Variants in KCNN2 observed in about 807,000 individuals in gnomAD.
The protein encoded by KCNN2 is small conductance calcium-activated potassium channel protein 2.
Under a neutral mutation model 55.5 loss-of-function variants are expected in KCNN2, and 24 were observed. The ratio of observed to expected loss-of-function variants is 0.43; its 90% CI spans 0.31 to 0.61. The LOEUF is 0.61. KCNN2 is among the 20% of genes least tolerant of loss of function. KCNN2 has a pLI of 0.08. For synonymous variants in KCNN2, 431 were observed against 336.1 expected (o/e 1.28, Z -3.09); for missense variants, 754 against 853.6 (o/e 0.88, Z 1.45).
chr5:114,451,795 G>A (rs1009255882), intron 3 of KCNN2, among the ~76,000 whole-genome samples: 5 of 151,812 alleles, frequency 3.3e-5, no homozygotes, highest in East Asian at 3.9e-4. Flanking sequence ...TACTTGGGAG[G>A]CTGAGGCAGC....
intron 1 of KCNN2, among the ~76,000 whole-genome samples, chr5:114,211,625 G>A (rs971058540): frequency 1.3e-5 from 2 of 152,048 alleles, no homozygotes; most frequent in Non-Finnish European, 2.9e-5. Flanking sequence ...TAGTACCTGG[G>A]TGATGAAATA....
intron 1 of KCNN2, among the ~76,000 whole-genome samples, chr5:114,198,801 T>C (rs1753612474): frequency 1.3e-5 from 2 of 152,142 alleles, no homozygotes; most frequent in African/African-American, 4.8e-5. Flanking sequence ...ATACTTGATA[T>C]GATTTTGATT....
At chr5:114,277,169 A>G (rs538475698) in intron 2 of KCNN2, among the ~76,000 whole-genome samples, 8 of 152,128 alleles carry the variant, frequency 5.3e-5, no homozygotes, top group South Asian at 2.1e-4. Flanking sequence ...TTTGCCCCCA[A>G]TCTCTTCTGG....
At chr5:114,089,855 A>G (rs1187698977) in intron 1 of KCNN2, among the ~76,000 whole-genome samples, 4 of 152,170 alleles carry the variant, frequency 2.6e-5, no homozygotes, top group Non-Finnish European at 4.4e-5. Context: ...AACTTCCAGA[A>G]TTTTCTGATC....
chr5:114,365,413 T>C (rs1757570844), intron 2 of KCNN2, among the ~76,000 whole-genome samples: 1 of 152,258 alleles, frequency 6.6e-6, no homozygotes, highest in Admixed American at 6.5e-5. Flanking sequence ...TTTAAAGTGA[T>C]ACTAAAATAT....
At chr5:114,083,444 T>C (rs1210401828) in intron 1 of KCNN2, among the ~76,000 whole-genome samples, 3 of 152,026 alleles carry the variant, frequency 2.0e-5, no homozygotes, top group Non-Finnish European at 2.9e-5. Context: ...TGAAATTTTA[T>C]GTTTTTATTT....
At chr5:114,294,459 T>G (rs943489567) in intron 2 of KCNN2, among the ~76,000 whole-genome samples, 1 of 152,204 alleles carries the variant, frequency 6.6e-6, no homozygotes, top group Non-Finnish European at 1.5e-5. Context: ...TACCCAGTAG[T>G]CATTCAGGAG....
intron 2 of KCNN2, among the ~76,000 whole-genome samples, chr5:114,403,450 C>T (rs1195362786): frequency 1.3e-5 from 2 of 152,192 alleles, no homozygotes; most frequent in Non-Finnish European, 2.9e-5. Flanking sequence ...TATAGCTTCT[C>T]AAAACAAAGG....
intron 1 of KCNN2, among the ~76,000 whole-genome samples, chr5:114,087,002 C>G (rs1417582757): frequency 6.9e-6 from 1 of 144,014 alleles, no homozygotes; most frequent in East Asian, 1.9e-4. Flanking sequence ...GGTATCTCAT[C>G]GTGGTTCTGT....
chr5:114,391,751 A>G (rs1758457092), intron 2 of KCNN2, among the ~76,000 whole-genome samples: 1 of 152,200 alleles, frequency 6.6e-6, no homozygotes, highest in South Asian at 2.1e-4. Flanking sequence ...TGAATATTAA[A>G]TTAAATGCAG....
chr5:114,461,665 C>T (rs1290532784), intron 3 of KCNN2, among the ~76,000 whole-genome samples: 2 of 152,030 alleles, frequency 1.3e-5, no homozygotes, highest in Non-Finnish European at 2.9e-5. Flanking sequence ...AAAGCTTATA[C>T]CCTGTAAGAT....
intron 1 of KCNN2, among the ~76,000 whole-genome samples, chr5:114,158,470 T>A (rs1391478911): frequency 2.6e-5 from 4 of 152,126 alleles, no homozygotes; most frequent in Non-Finnish European, 5.9e-5. Flanking sequence ...GGCTTAGGAT[T>A]GACTTGGCAA....
chr5:114,417,949 A>C (rs1294759997), intron 3 of KCNN2, among the ~76,000 whole-genome samples: 1 of 152,172 alleles, frequency 6.6e-6, no homozygotes, highest in Non-Finnish European at 1.5e-5. Flanking sequence ...ATCTAATCCT[A>C]TCAGGCCAAG....
chr5:114,303,030 C>T (rs765138681), intron 2 of KCNN2, among the ~76,000 whole-genome samples: 4 of 152,180 alleles, frequency 2.6e-5, no homozygotes, highest in African/African-American at 7.2e-5. Flanking sequence ...CTTCGATATA[C>T]GTCGATGTAC....
chr5:114,142,023 G>A (rs1219481950), intron 1 of KCNN2, among the ~76,000 whole-genome samples: 1 of 152,054 alleles, frequency 6.6e-6, no homozygotes, highest in Non-Finnish European at 1.5e-5. Context: ...TGTAGATTCT[G>A]GATATTAGCC....
chr5:114,337,570 T>C (rs1316849418), intron 2 of KCNN2, among the ~76,000 whole-genome samples: 1 of 152,176 alleles, frequency 6.6e-6, no homozygotes, highest in Non-Finnish European at 1.5e-5. Flanking sequence ...GTATAGCTAA[T>C]GGTCACTTTG....
intron 1 of KCNN2, among the ~76,000 whole-genome samples, chr5:114,196,775 C>A (rs1201660114): frequency 6.6e-6 from 1 of 151,794 alleles, no homozygotes; most frequent in Non-Finnish European, 1.5e-5. Flanking sequence ...GTTTGTTGAT[C>A]TTTTCAAAGT....
At chr5:114,472,943 A>C in intron 4 of KCNN2, 111 bp from the exon 5 acceptor site, 1 of 587,532 alleles carries the variant, frequency 1.7e-6, no homozygotes, top group Non-Finnish European at 3.0e-6. Context: ...ATTGAAGACA[A>C]TGTTTTTAAT....
At chr5:114,432,999 C>T (rs537859488) in intron 3 of KCNN2, among the ~76,000 whole-genome samples, 1 of 152,286 alleles carries the variant, frequency 6.6e-6, no homozygotes, top group African/African-American at 2.4e-5. Context: ...CGGAGCCTCC[C>T]TGATGAGCGC....
Sources: gnomAD v4.1 joint callset for allele counts (sites outside exome capture counted in the v4.1 genomes callset) on GRCh38, gnomAD v4.1.1 for gene constraint, MANE v1.5 for transcripts, NCBI Gene and HGNC (gene_info 2026-07-23, HGNC 2026-07-21) for gene names.